NRXN1: variants seen among roughly 807,000 people sequenced by gnomAD.
NRXN1 encodes the protein neurexin-1.
NRXN1 carries 39 observed loss-of-function variants against 150.9 expected under a neutral mutation model. That is an observed-to-expected ratio of 0.26 (90% CI 0.20 to 0.34). The LOEUF is 0.34. Among genes scored for constraint, NRXN1 ranks in the 10% least tolerant of loss-of-function variants. NRXN1 has a pLI of 1.00. For synonymous variants in NRXN1, 924 were observed against 757.0 expected (o/e 1.22, Z -3.62); for missense variants, 1,815 against 1,949.9 (o/e 0.93, Z 1.30).
At chr2:50,212,991 T>A (rs1051083367) in intron 18 of NRXN1, among the ~76,000 whole-genome samples, 3 of 151,878 alleles carry the variant, frequency 2.0e-5, no homozygotes, top group African/African-American at 7.2e-5. Flanking sequence ...ATATCACCTT[T>A]GAAATTGTTT....
At chr2:50,952,281 A>G (rs2104598694) in intron 2 of NRXN1, among the ~76,000 whole-genome samples, 1 of 152,282 alleles carries the variant, frequency 6.6e-6, no homozygotes, top group African/African-American at 2.4e-5. Flanking sequence ...TAAAAAGAAT[A>G]TACTGAATAT....
intron 5 of NRXN1, among the ~76,000 whole-genome samples, chr2:50,652,172 G>A (rs1249720510): frequency 6.6e-6 from 1 of 151,904 alleles, no homozygotes; most frequent in Non-Finnish European, 1.5e-5. Flanking sequence ...TTGAAATGTT[G>A]TCTTCCTTCT....
rs1391334342 is a variant in NRXN1, at chr2:50,327,965, T to C, written c.3365-90995A>G. Among the ~76,000 whole-genome samples the C allele has an allele frequency of 2.0e-5, 3 of 152,168 alleles. 1 individual carries two copies. Among genetic ancestry groups the C allele is most frequent in the Middle Eastern group, 6.3e-3 (2 of 316 alleles). ...TGCCCGGCCACTTCTTTTTCTTACATGGCCACTTATTTTTCTTCTTTTTCT... is the reference window on the plus strand; with the variant it reads ...TGCCCGGCCACTTCTTTTTCTTACACGGCCACTTATTTTTCTTCTTTTTCT... On this transcript the variant is annotated intron_variant, in intron 17 of 22. Transcript: ENST00000401669.
chr2:50,817,289 C>A (rs575689853), intron 5 of NRXN1, among the ~76,000 whole-genome samples: 6 of 152,120 alleles, frequency 3.9e-5, no homozygotes, highest in Non-Finnish European at 8.8e-5. Context: ...TAGAAACATA[C>A]AACCTATCAA....
chr2:50,264,063 C>A (rs2152915962), intron 17 of NRXN1, among the ~76,000 whole-genome samples: 1 of 152,130 alleles, frequency 6.6e-6, no homozygotes, highest in South Asian at 2.1e-4. Flanking sequence ...TCTAACATAC[C>A]AAAATGGCTT....
At chr2:49,936,644 T>A (rs1671075839) in intron 22 of NRXN1, among the ~76,000 whole-genome samples, 1 of 152,048 alleles carries the variant, frequency 6.6e-6, no homozygotes, top group Non-Finnish European at 1.5e-5. Context: ...TAACTAATAT[T>A]CATTTCTGGT....
At chr2:50,210,164 T>C (rs1458469809) in intron 18 of NRXN1, among the ~76,000 whole-genome samples, 1 of 152,004 alleles carries the variant, frequency 6.6e-6, no homozygotes, top group Non-Finnish European at 1.5e-5. Flanking sequence ...AACTTTTGCC[T>C]AAAGAATAGC....
chr2:50,719,161 C>G (rs1559164955), intron 5 of NRXN1, among the ~76,000 whole-genome samples: 1 of 151,686 alleles, frequency 6.6e-6, no homozygotes, highest in Non-Finnish European at 1.5e-5. Flanking sequence ...AACTATCACA[C>G]ATGTTTGACT....
intron 2 of NRXN1, among the ~76,000 whole-genome samples, chr2:50,953,556 A>ATT (rs1338336889): frequency 7.9e-5 from 11 of 139,662 alleles, no homozygotes; most frequent in Admixed American, 7.3e-5. Context: ...TCAAGTGACA[A>ATT]TTTTTTTTTT....
At chr2:50,473,358 T>TA (rs1420642261) in intron 15 of NRXN1, among the ~76,000 whole-genome samples, 3,231 of 145,864 alleles carry the variant, frequency 0.022, 111 homozygotes, top group African/African-American at 0.072. Context: ...GACTATTACT[T>TA]AAAAAAAAAA....
chr2:49,965,385 G>A (rs936136485), intron 21 of NRXN1, among the ~76,000 whole-genome samples: 1 of 151,836 alleles, frequency 6.6e-6, no homozygotes, highest in Non-Finnish European at 1.5e-5. Flanking sequence ...TCTTGCCTCA[G>A]CCTCCCAAGT....
intron 21 of NRXN1, among the ~76,000 whole-genome samples, chr2:49,983,983 T>G (rs1487690214): frequency 6.7e-6 from 1 of 148,998 alleles, no homozygotes; most frequent in Non-Finnish European, 1.5e-5. Context: ...GGCAATAGAG[T>G]GAGATCTCAT....
intron 2 of NRXN1, among the ~76,000 whole-genome samples, chr2:51,005,989 T>C (rs1339035951): frequency 6.6e-6 from 1 of 151,560 alleles, no homozygotes; most frequent in Non-Finnish European, 1.5e-5. Context: ...GGGGCAGTCA[T>C]ACTTACATCA....
intron 15 of NRXN1, among the ~76,000 whole-genome samples, chr2:50,490,501 G>C (rs2111071): frequency 0.29 from 43,857 of 152,088 alleles, 7,073 homozygotes; most frequent in South Asian, 0.39. Flanking sequence ...TTATAGCCTA[G>C]ACCCAGGTCC....
intron 19 of NRXN1, 125 bp downstream of exon 19, chr2:50,091,198 A>T: frequency 9.2e-7 from 1 of 1,090,084 alleles, no homozygotes; most frequent in African/African-American, 1.5e-5. Flanking sequence ...CATGACTCTA[A>T]AGTCCAATAA....
At chr2:50,294,906 G>A (rs1304331493) in intron 17 of NRXN1, among the ~76,000 whole-genome samples, 4 of 152,140 alleles carry the variant, frequency 2.6e-5, no homozygotes, top group Admixed American at 6.6e-5. Context: ...CCTATCAGTC[G>A]ATGGAGGAAC....
intron 12 of NRXN1, among the ~76,000 whole-genome samples, chr2:50,527,327 A>C (rs1426046573): frequency 6.6e-6 from 1 of 152,164 alleles, no homozygotes; most frequent in African/African-American, 2.4e-5. Flanking sequence ...TTAGATGTGC[A>C]AAATGTATAT....
chr2:50,621,041 C>T (rs1434295633), intron 7 of NRXN1, 185 bp downstream of exon 7: 1 of 534,002 alleles, frequency 1.9e-6, no homozygotes, highest in East Asian at 3.1e-5. Context: ...TTGACAGGAA[C>T]AGGTAAAAAA....
At chr2:49,927,196 C>T (rs1334010080) in intron 22 of NRXN1, among the ~76,000 whole-genome samples, 1 of 152,226 alleles carries the variant, frequency 6.6e-6, no homozygotes, top group Non-Finnish European at 1.5e-5. Flanking sequence ...GCACAAATGT[C>T]TAAGTGTGAC....
Sources: gnomAD v4.1 joint callset for allele counts (sites outside exome capture counted in the v4.1 genomes callset) on GRCh38, gnomAD v4.1.1 for gene constraint, MANE v1.5 for transcripts, NCBI Gene and HGNC (gene_info 2026-07-23, HGNC 2026-07-21) for gene names.